CDH12: variants seen among roughly 807,000 people sequenced by gnomAD.
CDH12 encodes cadherin-12.
CDH12 carries 41 observed loss-of-function variants against 74.1 expected under a neutral mutation model. The observed-to-expected ratio is 0.55, with a 90% CI of 0.43 to 0.72. CDH12 has a LOEUF of 0.72. CDH12 is among the 30% of genes least tolerant of loss of function. The pLI is 0.00. For synonymous variants in CDH12, 399 were observed against 355.0 expected, an observed-to-expected ratio of 1.12 and a Z score of -1.39; for missense variants, 945 against 977.2, an observed-to-expected ratio of 0.97 and a Z score of 0.44.
chr5:22,152,353 T>G (rs1272402364), intron 4 of CDH12: 1 of 152,212 alleles, frequency 6.6e-6, no homozygotes, highest in African/African-American at 2.4e-5. Context: ...TTTTTAAAAA[T>G]TGATAATTTA....
chr5:22,574,009 T>TG (rs1739660741), intron 1 of CDH12, among the ~76,000 whole-genome samples: 1 of 151,962 alleles, frequency 6.6e-6, no homozygotes, highest in African/African-American at 2.4e-5. Flanking sequence ...GTGCAATATT[T>TG]GGCACATTCT....
intron 3 of CDH12, among the ~76,000 whole-genome samples, chr5:22,338,535 CAAT>C (rs1739699353): frequency 1.3e-5 from 2 of 151,652 alleles, no homozygotes; most frequent in South Asian, 4.2e-4. Flanking sequence ...GGACTATAGC[CAAT>C]AATAATTTAA....
chr5:22,817,358 T>C (rs1749444148), intron 1 of CDH12, among the ~76,000 whole-genome samples: 1 of 152,062 alleles, frequency 6.6e-6, no homozygotes, highest in Admixed American at 6.6e-5. Context: ...TATATTTTCT[T>C]CAAATTCATC....
chr5:22,222,370 C>A (rs1752046936), intron 3 of CDH12, among the ~76,000 whole-genome samples: 1 of 151,870 alleles, frequency 6.6e-6, no homozygotes, highest in African/African-American at 2.4e-5. Context: ...AATTATTTTT[C>A]TTCTCTAAAG....
Position 22,535,155 on chromosome 5 carries a change from T to C in CDH12, c.-522-29791A>G, listed in dbSNP as rs1235443034. ...CCTGGCTAATTTTCTTTTTTTTTTT[T>C]TTCTTTTTTTTTTTTTTTTGAGACG... On this transcript the variant is annotated intron_variant, in intron 1 of 14. Transcript: ENST00000382254. 1.1e-3 allele frequency among the ~76,000 whole-genome samples: 148 copies of C among 130,582 alleles called. 1 individual carries two copies. Among genetic ancestry groups the C allele is most frequent in the African/African-American group, 3.7e-3 (137 of 37,190 alleles). The allele number at this position is 130,582 out of a possible 152,430, so 85.7% of individuals were successfully genotyped here.
chr5:21,951,422 A>G (rs1279209628), intron 6 of CDH12, among the ~76,000 whole-genome samples: 1 of 150,692 alleles, frequency 6.6e-6, no homozygotes. Context: ...TAATTTTTGT[A>G]CTTTTAGTAG....
At chr5:22,343,452 C>T (rs1460744448) in intron 3 of CDH12, among the ~76,000 whole-genome samples, 1 of 152,178 alleles carries the variant, frequency 6.6e-6, no homozygotes, top group African/African-American at 2.4e-5. Flanking sequence ...GAGTCTCGCT[C>T]TGTCACTCAG....
chr5:22,148,112 G>A (rs1198083782), intron 4 of CDH12, among the ~76,000 whole-genome samples: 5 of 151,950 alleles, frequency 3.3e-5, no homozygotes, highest in South Asian at 4.2e-4. Context: ...TTTTCTTCAC[G>A]ACCACCTACA....
chr5:22,418,777 A>C (rs970572129), intron 2 of CDH12, among the ~76,000 whole-genome samples: 1 of 151,972 alleles, frequency 6.6e-6, no homozygotes, highest in Non-Finnish European at 1.5e-5. Flanking sequence ...CCAGCTACTC[A>C]AGAGGCTGAG....
At chr5:21,878,376 C>A (rs1752047150) in intron 6 of CDH12, among the ~76,000 whole-genome samples, 1 of 152,044 alleles carries the variant, frequency 6.6e-6, no homozygotes, top group Admixed American at 6.6e-5. Flanking sequence ...CCTTCTGATC[C>A]AAATTCTCCA....
At chr5:21,955,282 T>C (rs1427117966) in intron 6 of CDH12, among the ~76,000 whole-genome samples, 1 of 151,952 alleles carries the variant, frequency 6.6e-6, no homozygotes, top group East Asian at 1.9e-4. Context: ...CTTTTTTTTT[T>C]CTTATAAAAT....
At chr5:22,290,348 A>G (rs1168579678) in intron 3 of CDH12, among the ~76,000 whole-genome samples, 1 of 152,160 alleles carries the variant, frequency 6.6e-6, no homozygotes, top group Non-Finnish European at 1.5e-5. Flanking sequence ...AATTATTCTA[A>G]GGACACTCAG....
chr5:21,770,008 A>C (rs1745234200), intron 11 of CDH12, among the ~76,000 whole-genome samples: 1 of 152,200 alleles, frequency 6.6e-6, no homozygotes, highest in Non-Finnish European at 1.5e-5. Flanking sequence ...TATGATAGCT[A>C]TTAACTAACT....
intron 6 of CDH12, among the ~76,000 whole-genome samples, chr5:21,876,434 T>C (rs1751943902): frequency 6.6e-6 from 1 of 152,228 alleles, no homozygotes; most frequent in Admixed American, 6.5e-5. Flanking sequence ...CCATCATTTA[T>C]ACTTTCCGGT....
chr5:22,750,088 T>G (rs1024059348), intron 1 of CDH12, among the ~76,000 whole-genome samples: 7 of 152,166 alleles, frequency 4.6e-5, no homozygotes, highest in Non-Finnish European at 1.0e-4. Flanking sequence ...CATATTATAC[T>G]AAAGTTACAT....
intron 1 of CDH12, among the ~76,000 whole-genome samples, chr5:22,753,672 A>G (rs969367783): frequency 1.3e-5 from 2 of 151,556 alleles, no homozygotes; most frequent in African/African-American, 4.9e-5. Context: ...TAGATTTCAA[A>G]AAGACAGAAT....
At chr5:22,675,870 C>CATATATATATAT (rs144687047) in intron 1 of CDH12, among the ~76,000 whole-genome samples, 3,352 of 92,138 alleles carry the variant, frequency 0.036, 339 homozygotes, top group African/African-American at 0.12. Flanking sequence ...TTTTGTATCT[C>CATATATATATAT]ATATATATAT....
At chr5:22,113,378 C>A (rs866062253) in intron 4 of CDH12, among the ~76,000 whole-genome samples, 1 of 152,078 alleles carries the variant, frequency 6.6e-6, no homozygotes, top group Non-Finnish European at 1.5e-5. Flanking sequence ...CACCTATTGT[C>A]TCTAAGGGCA....
intron 2 of CDH12, among the ~76,000 whole-genome samples, chr5:22,501,421 G>A (rs1005425624): frequency 1.3e-5 from 2 of 152,102 alleles, no homozygotes; most frequent in African/African-American, 4.8e-5. Context: ...AAGCAATCAT[G>A]AGTAATTGGA....
Sources: allele counts gnomAD v4.1 joint callset (sites outside exome capture counted in the v4.1 genomes callset), GRCh38; gene constraint gnomAD v4.1.1; transcripts MANE v1.5; gene names NCBI Gene and HGNC (gene_info 2026-07-23, HGNC 2026-07-21).